BCAS3: variants seen among roughly 807,000 people sequenced by gnomAD.
The protein encoded by BCAS3 is BCAS3 microtubule associated cell migration factor.
A neutral mutation model predicts 116.1 loss-of-function variants in BCAS3; 53 were observed. The ratio of observed to expected loss-of-function variants is 0.46; its 90% CI spans 0.37 to 0.57. The LOEUF (loss-of-function observed/expected upper bound fraction) is 0.57. BCAS3 is among the 20% of genes least tolerant of loss of function. The probability of loss-of-function intolerance (pLI) is 0.00; values close to 1 mark genes in which losing one functional copy is unlikely to be tolerated. For missense variants in BCAS3, 917 were observed against 1,165.4 expected, an observed-to-expected ratio of 0.79 and a Z score of 3.10; for synonymous variants, 391 against 408.2, an observed-to-expected ratio of 0.96 and a Z score of 0.51.
At chr17:60,862,934 A>C (rs533289864) in intron 7 of BCAS3, among the ~76,000 whole-genome samples, 4 of 152,110 alleles carry the variant, frequency 2.6e-5, no homozygotes, top group African/African-American at 9.6e-5. Context: ...GTGTTTTGTC[A>C]GTTATATCTA....
intron 6 of BCAS3, among the ~76,000 whole-genome samples, chr17:60,769,897 C>T (rs185157145): frequency 1.6e-4 from 25 of 152,156 alleles, no homozygotes; most frequent in Non-Finnish European, 2.9e-5. Flanking sequence ...CATTCAGCCT[C>T]CTGAGTAGCT....
chr17:60,968,566 CT>C (rs146844746), intron 14 of BCAS3, among the ~76,000 whole-genome samples: 17 of 147,542 alleles, frequency 1.2e-4, no homozygotes, highest in Non-Finnish European at 1.1e-4. Context: ...AAGTTGTTGC[CT>C]TTTTTTTTTG....
intron 19 of BCAS3, 84 bp from the exon 20 acceptor site, chr17:61,074,836 A>G (rs548503731): frequency 1.4e-5 from 11 of 780,786 alleles, no homozygotes; most frequent in African/African-American, 1.0e-4. Flanking sequence ...ATAAATTACC[A>G]TAGTATCCAA....
chr17:61,039,110 AACCC>A, intron 18 of BCAS3, among the ~76,000 whole-genome samples: 1 of 152,162 alleles, frequency 6.6e-6, no homozygotes, highest in Non-Finnish European at 1.5e-5. Flanking sequence ...ATTTTTCTCC[AACCC>A]TTCAGACCTA....
At chr17:60,907,791 CATATATATTTGAGAAAATAGTCAGAT>C (rs941496551) in intron 11 of BCAS3, among the ~76,000 whole-genome samples, 1 of 152,040 alleles carries the variant, frequency 6.6e-6, no homozygotes, top group African/African-American at 2.4e-5. Context: ...TATAATTTTT[CATATATATTTGAGAAAATAGTCAGAT>C]ATATACATAC....
At chr17:61,252,912 C>T (rs929875325) in intron 22 of BCAS3, among the ~76,000 whole-genome samples, 4 of 141,230 alleles carry the variant, frequency 2.8e-5, no homozygotes, top group Non-Finnish European at 6.1e-5. Context: ...TGGAGTCTTA[C>T]TCTGTTGCCC....
At chr17:60,682,800 G>C (rs2033378983) in intron 2 of BCAS3, among the ~76,000 whole-genome samples, 2 of 152,174 alleles carry the variant, frequency 1.3e-5, no homozygotes, top group Non-Finnish European at 2.9e-5. Flanking sequence ...GGGATTACAG[G>C]TGTGAGCTAC....
intron 22 of BCAS3, among the ~76,000 whole-genome samples, chr17:61,152,861 C>T (rs964405816): frequency 6.6e-6 from 1 of 152,144 alleles, no homozygotes; most frequent in Non-Finnish European, 1.5e-5. Flanking sequence ...AAAACAGCCT[C>T]CTGGAGATTT....
At chr17:60,928,379 C>T (rs2059470907) in intron 13 of BCAS3, among the ~76,000 whole-genome samples, 1 of 152,146 alleles carries the variant, frequency 6.6e-6, no homozygotes, top group African/African-American at 2.4e-5. Flanking sequence ...AAATATGGTA[C>T]ATTTGAAATA....
At position 61,227,712 on chromosome 17, in the gene BCAS3, G is replaced by A. The variant is rs893717303; in HGVS notation, c.2426-140615G>A. ...CACTCGGGAAAGTTCTTGCTACTCC[G>A]AAGGTGATTTTTAGAATCAGAAACC... is the stretch of plus-strand genomic sequence containing the variant. On this transcript the variant is annotated intron_variant, in intron 22 of 23. Transcript: ENST00000407086. The surrounding 1 kb of genome is among the most constrained non-coding windows in gnomAD (Gnocchi z 6.1). Among the ~76,000 whole-genome samples, 3 of 152,208 alleles carry A rather than the reference G, an allele frequency of 2.0e-5. No homozygotes were observed. Among genetic ancestry groups the A allele is most frequent in the Non-Finnish European group, 1.5e-5 (1 of 68,040 alleles).
At chr17:60,810,498 A>C in intron 7 of BCAS3, 1 of 723,224 alleles carries the variant, frequency 1.4e-6, no homozygotes, top group East Asian at 2.7e-5. Context: ...TGGAGAGCAA[A>C]ACCCAGGAGC....
intron 5 of BCAS3, among the ~76,000 whole-genome samples, chr17:60,739,911 G>A (rs566534876): frequency 1.3e-5 from 2 of 150,136 alleles, no homozygotes; most frequent in East Asian, 3.9e-4. Flanking sequence ...AACACTCTAA[G>A]TGCTTCACTC....
chr17:61,187,921 A>T (rs1303394289), intron 22 of BCAS3, among the ~76,000 whole-genome samples: 1 of 151,808 alleles, frequency 6.6e-6, no homozygotes. Flanking sequence ...CTCCTTTCCA[A>T]TCTGCATTTT....
intron 22 of BCAS3, among the ~76,000 whole-genome samples, chr17:61,359,112 T>C (rs2058313276): frequency 6.6e-6 from 1 of 152,132 alleles, no homozygotes; most frequent in Admixed American, 6.6e-5. Context: ...CAGTCAGCCT[T>C]ACCGGTGGCA....
At chr17:61,240,892 A>G (rs1169511404) in intron 22 of BCAS3, among the ~76,000 whole-genome samples, 1 of 152,238 alleles carries the variant, frequency 6.6e-6, no homozygotes, top group African/African-American at 2.4e-5. Context: ...AAAAGGTACC[A>G]AGGGCTGTTA....
intron 22 of BCAS3, among the ~76,000 whole-genome samples, chr17:61,137,267 A>G (rs1488464373): frequency 2.0e-5 from 3 of 152,238 alleles, no homozygotes; most frequent in East Asian, 1.9e-4. Context: ...ACTAGCAAGC[A>G]TATATCAAGG....
chr17:60,683,505 CTTTTTTTTTTTTTTTTTTTTT>C lies in BCAS3; in HGVS notation c.84-458_84-438del, dbSNP rs138663451. ...GAAATATCAGGTGATAAGAGTTAGC[CTTTTTTTTTTTTTTTTTTTTT>C]TTTTTTTTTTTTTTTTTTGCCTTTT... On this transcript the variant is annotated intron_variant, in intron 2 of 23. Transcript: ENST00000407086. 3.5e-3 allele frequency among the ~76,000 whole-genome samples: 155 copies of C among 44,488 alleles called. 1 individual carries two copies. The highest frequency in any genetic ancestry group is 9.5e-3 in the African/African-American group (115 of 12,114). The allele number at this position is 44,488 out of a possible 152,430, so 29.2% of individuals were successfully genotyped here.
chr17:61,036,004 A>G (rs2067000605), intron 17 of BCAS3, among the ~76,000 whole-genome samples: 1 of 152,160 alleles, frequency 6.6e-6, no homozygotes, highest in Admixed American at 6.5e-5. Context: ...GCACCTAAGG[A>G]GGGACTACTG....
intron 22 of BCAS3, among the ~76,000 whole-genome samples, chr17:61,209,321 A>G (rs2081325357): frequency 6.6e-6 from 1 of 152,222 alleles, no homozygotes; most frequent in South Asian, 2.1e-4. Flanking sequence ...CTGTTGCTGA[A>G]AATCGTGATT....
Sources: allele counts gnomAD v4.1 joint callset (sites outside exome capture counted in the v4.1 genomes callset), GRCh38; gene constraint gnomAD v4.1.1; non-coding constraint Gnocchi (gnomAD v3.1); transcripts MANE v1.5; gene names NCBI Gene and HGNC (gene_info 2026-07-23, HGNC 2026-07-21).